Variants in SNTG1 observed in about 807,000 individuals in gnomAD.
SNTG1 encodes the protein gamma-1-syntrophin.
In SNTG1, 39 loss-of-function variants were observed where a neutral mutation model predicts 74.7. That is an observed-to-expected ratio of 0.52 (90% CI 0.40 to 0.68). The LOEUF (loss-of-function observed/expected upper bound fraction) is 0.68. SNTG1 is among the 30% of genes least tolerant of loss of function. The probability of loss-of-function intolerance (pLI) is 0.00; values close to 1 mark genes in which losing one functional copy is unlikely to be tolerated. For missense variants in SNTG1, 685 were observed against 609.5 expected (o/e 1.12, Z -1.30); for synonymous variants, 254 against 217.1 (o/e 1.17, Z -1.49).
At chr8:50,708,509 T>C (rs1332429773) in intron 16 of SNTG1, 1 of 174,144 alleles carries the variant, frequency 5.7e-6, no homozygotes, top group Non-Finnish European at 1.2e-5. Context: ...TCTTTTAGTT[T>C]AATGAAAATG....
chr8:49,977,162 A>G (rs951047019), intron 1 of SNTG1, among the ~76,000 whole-genome samples: 3 of 152,158 alleles, frequency 2.0e-5, no homozygotes, highest in African/African-American at 7.2e-5. Context: ...TGAAGTAAGG[A>G]TGAATGACAA....
intron 2 of SNTG1, among the ~76,000 whole-genome samples, chr8:50,246,552 G>A (rs541915479): frequency 1.3e-5 from 2 of 151,040 alleles, no homozygotes; most frequent in African/African-American, 4.9e-5. Flanking sequence ...GTCAGAAGGA[G>A]CCAAATCAGG....
intron 12 of SNTG1, among the ~76,000 whole-genome samples, chr8:50,578,884 C>A (rs1368232126): frequency 2.6e-5 from 4 of 152,028 alleles, no homozygotes; most frequent in African/African-American, 4.8e-5. Context: ...TGAAGATGGA[C>A]TAATATAGTA....
chr8:50,492,644 G>T (rs1353377420), intron 8 of SNTG1, among the ~76,000 whole-genome samples: 2 of 152,134 alleles, frequency 1.3e-5, no homozygotes, highest in African/African-American at 4.8e-5. Flanking sequence ...TTAGTCCTTT[G>T]TCAGATGGAT....
intron 2 of SNTG1, among the ~76,000 whole-genome samples, chr8:50,277,466 A>C (rs1394658041): frequency 6.6e-6 from 1 of 152,224 alleles, no homozygotes; most frequent in African/African-American, 2.4e-5. Context: ...TAAATCATTA[A>C]ATGAAATAAT....
intron 2 of SNTG1, among the ~76,000 whole-genome samples, chr8:50,366,427 C>T (rs1563947611): frequency 6.6e-6 from 1 of 152,024 alleles, no homozygotes; most frequent in African/African-American, 2.4e-5. Flanking sequence ...GAAATCATAA[C>T]CATGTCCATG....
chr8:50,349,634 T>TC (rs1170505484), intron 2 of SNTG1, among the ~76,000 whole-genome samples: 1 of 152,166 alleles, frequency 6.6e-6, no homozygotes, highest in Non-Finnish European at 1.5e-5. Context: ...GTTCTAGAGG[T>TC]CCAGTGAGAT....
chr8:49,994,768 TG>T (rs1814046643), intron 1 of SNTG1, among the ~76,000 whole-genome samples: 1 of 152,056 alleles, frequency 6.6e-6, no homozygotes. Context: ...CAATGTTTTA[TG>T]GAGGAAAAGT....
Position 49,945,408 on chromosome 8 carries a change from T to C in SNTG1, c.-103+33177T>C, listed in dbSNP as rs114256821. Among the ~76,000 whole-genome samples the C allele has an allele frequency of 2.1e-3, 316 of 152,306 alleles. 3 individuals are homozygous for C. Among genetic ancestry groups the C allele is most frequent in the African/African-American group, 7.0e-3 (292 of 41,574 alleles). On this transcript the variant is annotated intron_variant, in intron 1 of 18. Coordinates refer to ENST00000642720, the MANE Select transcript of SNTG1 (RefSeq NM_018967.5). ...TTTTTAAAGGTAGTGTGGTCCATCG[T>C]AGGGCAGCTCCAAATAATTAGAAAG...
At chr8:50,108,287 G>C (rs969150833) in intron 1 of SNTG1, among the ~76,000 whole-genome samples, 2 of 152,160 alleles carry the variant, frequency 1.3e-5, no homozygotes, top group African/African-American at 4.8e-5. Flanking sequence ...GACATGCTGA[G>C]TAAAATCAAG....
At chr8:50,519,359 C>T (rs1362039796) in intron 9 of SNTG1, among the ~76,000 whole-genome samples, 2 of 152,088 alleles carry the variant, frequency 1.3e-5, no homozygotes, top group Non-Finnish European at 2.9e-5. Flanking sequence ...ACTGAATGGG[C>T]AAAAGCTGGA....
At chr8:50,365,956 C>T (rs2092097014) in intron 2 of SNTG1, among the ~76,000 whole-genome samples, 1 of 152,156 alleles carries the variant, frequency 6.6e-6, no homozygotes, top group Admixed American at 6.6e-5. Flanking sequence ...AATTTTCTAA[C>T]CATTTCCTAC....
chr8:50,605,875 A>G (rs1402256076), intron 13 of SNTG1, among the ~76,000 whole-genome samples: 1 of 152,174 alleles, frequency 6.6e-6, no homozygotes, highest in African/African-American at 2.4e-5. Context: ...ATAAAATAAA[A>G]ACATCTGTCA....
intron 11 of SNTG1, among the ~76,000 whole-genome samples, chr8:50,546,702 G>C (rs2094390801): frequency 6.6e-6 from 1 of 152,024 alleles, no homozygotes; most frequent in Non-Finnish European, 1.5e-5. Context: ...TCCCTACAAA[G>C]GACATGAACT....
At chr8:50,105,411 G>T (rs2080327346) in intron 1 of SNTG1, among the ~76,000 whole-genome samples, 1 of 152,048 alleles carries the variant, frequency 6.6e-6, no homozygotes, top group Admixed American at 6.6e-5. Flanking sequence ...CCAGTACCAT[G>T]CTCTTTTGGT....
intron 10 of SNTG1, among the ~76,000 whole-genome samples, chr8:50,532,630 G>A (rs1022114337): frequency 6.6e-6 from 1 of 152,102 alleles, no homozygotes; most frequent in African/African-American, 2.4e-5. Flanking sequence ...GGGCTAGCAC[G>A]TGCTGTTCCT....
At chr8:50,438,814 C>A (rs1297120969) in intron 5 of SNTG1, among the ~76,000 whole-genome samples, 1 of 152,144 alleles carries the variant, frequency 6.6e-6, no homozygotes, top group Non-Finnish European at 1.5e-5. Context: ...TGGGAATTTA[C>A]CTTATGATTG....
chr8:50,402,238 A>G lies in SNTG1; in HGVS notation c.56A>G (p.Asp19Gly). 1 of 1,605,332 alleles carries G rather than the reference A, an allele frequency of 6.2e-7. No homozygotes were observed. Among genetic ancestry groups the G allele is most frequent in the Non-Finnish European group, 8.5e-7 (1 of 1,177,916 alleles). Residue 19 changes from aspartate to glycine, a missense_variant, in exon 4 of 19, where the codon GAT becomes GGT. Asp to Gly is a moderately conservative substitution (Grantham distance 94). Transcript: ENST00000642720. Reference protein sequence around the residue: ...ETKTGICLLQDGNQEPFKVRL... With the variant: ...ETKTGICLLQGGNQEPFKVRL... The stretch of plus-strand genomic sequence containing the variant: ...AAGACAGGAATTTGTTTGCTGCAGG[A>G]TGGTAACCAGGAGCCTTTCAAAGTG...
chr8:50,784,944 A>G (rs2095670394), intron 18 of SNTG1, among the ~76,000 whole-genome samples: 1 of 152,158 alleles, frequency 6.6e-6, no homozygotes, highest in African/African-American at 2.4e-5. Flanking sequence ...AAAGCAAATT[A>G]CTAAATAACC....
Sources: gnomAD v4.1 joint callset for allele counts (sites outside exome capture counted in the v4.1 genomes callset) on GRCh38, gnomAD v4.1.1 for gene constraint, MANE v1.5 for transcripts, NCBI Gene and HGNC (gene_info 2026-07-23, HGNC 2026-07-21) for gene names.